The following PTPRG variants were observed in gnomAD, a reference collection of about 807,000 sequenced individuals.
PTPRG encodes the protein receptor-type tyrosine-protein phosphatase gamma.
In PTPRG, 102 loss-of-function variants were observed where a neutral mutation model predicts 165.3. The ratio of observed to expected loss-of-function variants is 0.62; its 90% CI spans 0.53 to 0.73. The LOEUF (loss-of-function observed/expected upper bound fraction) is 0.73. Ranked by LOEUF, PTPRG falls within the 30% of genes least tolerant of loss-of-function variation. The pLI, the probability that PTPRG is intolerant of heterozygous loss-of-function variation, is 0.00. For missense variants in PTPRG, 1,866 were observed against 1,861.4 expected, an observed-to-expected ratio of 1.00 and a Z score of -0.05; for synonymous variants, 675 against 669.5, an observed-to-expected ratio of 1.01 and a Z score of -0.13.
At chr3:61,889,712 G>A (rs913938555) in intron 2 of PTPRG, among the ~76,000 whole-genome samples, 4 of 152,122 alleles carry the variant, frequency 2.6e-5, no homozygotes, top group Non-Finnish European at 5.9e-5. Flanking sequence ...TTTTTAAGGA[G>A]GGATGGCATC....
intron 4 of PTPRG, among the ~76,000 whole-genome samples, chr3:62,027,512 C>A (rs567172623): frequency 6.6e-6 from 1 of 152,270 alleles, no homozygotes; most frequent in African/African-American, 2.4e-5. Flanking sequence ...TGTTTGAGAT[C>A]CTGGCTGAAA....
intron 1 of PTPRG, among the ~76,000 whole-genome samples, chr3:61,714,430 C>T (rs963446220): frequency 3.3e-5 from 5 of 152,144 alleles, no homozygotes; most frequent in Admixed American, 6.6e-5. Context: ...AATGTGAATA[C>T]AATGGCTGGA....
chr3:61,608,231 AAAGCTGAGCAGCTAGGGAG>A (rs371602192), intron 1 of PTPRG, among the ~76,000 whole-genome samples: 95 of 152,242 alleles, frequency 6.2e-4, no homozygotes, highest in African/African-American at 2.0e-3. Flanking sequence ...CCTCCTCCAT[AAAGCTGAGCAGCTAGGGAG>A]AAGCTGAGCA....
At chr3:61,676,439 A>C (rs1413980197) in intron 1 of PTPRG, among the ~76,000 whole-genome samples, 2 of 133,054 alleles carry the variant, frequency 1.5e-5, no homozygotes, top group African/African-American at 5.8e-5. Flanking sequence ...CCTGGGCGAC[A>C]GAGCCAGACT....
At chr3:62,028,583 G>C (rs1699652051) in intron 4 of PTPRG, among the ~76,000 whole-genome samples, 2 of 152,284 alleles carry the variant, frequency 1.3e-5, no homozygotes, top group Non-Finnish European at 1.5e-5. Context: ...TTGCATGTTG[G>C]CCATCAAGGA....
At chr3:61,685,417 G>A (rs529199849) in intron 1 of PTPRG, among the ~76,000 whole-genome samples, 1 of 152,342 alleles carries the variant, frequency 6.6e-6, no homozygotes, top group African/African-American at 2.4e-5. Context: ...CAGATACTGA[G>A]TTAGCAGTGC....
At chr3:62,070,664 A>C (rs1701179351) in intron 4 of PTPRG, among the ~76,000 whole-genome samples, 2 of 152,214 alleles carry the variant, frequency 1.3e-5, no homozygotes, top group African/African-American at 4.8e-5. Flanking sequence ...ATAATTTAAA[A>C]ATCATGTTAG....
chr3:62,117,641 C>T (rs983322182), intron 5 of PTPRG, among the ~76,000 whole-genome samples: 6 of 152,186 alleles, frequency 3.9e-5, no homozygotes, highest in Non-Finnish European at 8.8e-5. Flanking sequence ...GGAAGAGGCA[C>T]TGGGTTTCCT....
At chr3:62,055,066 T>TC (rs957271929) in intron 4 of PTPRG, among the ~76,000 whole-genome samples, 2 of 152,220 alleles carry the variant, frequency 1.3e-5, no homozygotes, top group African/African-American at 4.8e-5. Flanking sequence ...TCTCAAGTTT[T>TC]CCTGCTTCTG....
chr3:62,009,814 G>C (rs954627140), intron 4 of PTPRG, among the ~76,000 whole-genome samples: 2 of 152,174 alleles, frequency 1.3e-5, no homozygotes, highest in African/African-American at 4.8e-5. Context: ...CATGGATCCT[G>C]AGCTTCAGCA....
rs1290426060 is a variant in PTPRG, at chr3:62,190,888, A to G, written c.1034-581A>G. On this transcript the variant is annotated intron_variant, in intron 8 of 29. Coordinates refer to ENST00000474889, the MANE Select transcript of PTPRG (RefSeq NM_002841.4). This position sits in a 1 kb window ranked among gnomAD's most constrained non-coding sequence, Gnocchi z 5.2. ...AGCGGGGAAAATTTGAATATGGACT[A>G]TATATGAGATAATAGTATTGAATTC... Among the ~76,000 whole-genome samples the G allele has an allele frequency of 6.6e-6, 1 of 152,210 alleles. No individual in the cohort carries two copies. Among genetic ancestry groups the G allele is most frequent in the East Asian group, 1.9e-4 (1 of 5,184 alleles).
At chr3:61,944,212 C>T (rs76782199) in intron 2 of PTPRG, among the ~76,000 whole-genome samples, 2,398 of 152,292 alleles carry the variant, frequency 0.016, 43 homozygotes, top group South Asian at 0.075. Flanking sequence ...TTTGTGACAA[C>T]GAAGCCTCCC....
At chr3:61,648,883 G>A (rs570366504) in intron 1 of PTPRG, among the ~76,000 whole-genome samples, 2 of 152,304 alleles carry the variant, frequency 1.3e-5, no homozygotes, top group Admixed American at 1.3e-4. Context: ...TCTGATCTTT[G>A]TTGAAGCAAT....
In PTPRG at chr3:62,273,057, G is replaced by A. The variant is rs371762103; in HGVS notation, c.3294G>A (p.Gln1098=). 1.2e-6 allele frequency: 2 copies of A among 1,613,374 alleles called. No homozygotes were observed. Among genetic ancestry groups the A allele is most frequent in the East Asian group, 2.2e-5 (1 of 44,836 alleles). Residue 1098 remains glutamine (Q), a synonymous_variant, in exon 22 of 30, where the codon CAG becomes CAA. Transcript: ENST00000474889. The surrounding 1 kb of genome is among the most constrained non-coding windows in gnomAD (Gnocchi z 4.1). ...VLGFLKHIRT[Q]RNYLVQTEEQ... ...GATTCCTGAAGCATATCAGGACACA[G>A]CGTAACTACCTCGTCCAGACTGAGG...
At chr3:61,966,565 A>C (rs2040276312) in intron 2 of PTPRG, among the ~76,000 whole-genome samples, 1 of 152,156 alleles carries the variant, frequency 6.6e-6, no homozygotes, top group Non-Finnish European at 1.5e-5. Context: ...ATTCCTCTTC[A>C]ATAACATGCA....
chr3:61,978,825 T>C (rs989099969), intron 2 of PTPRG, among the ~76,000 whole-genome samples: 5 of 152,198 alleles, frequency 3.3e-5, no homozygotes, highest in African/African-American at 1.2e-4. Context: ...TAAAACTGTT[T>C]ATAAAAACAG....
At chr3:61,755,525 TCTTTA>T (rs2033606852) in intron 2 of PTPRG, among the ~76,000 whole-genome samples, 2 of 152,250 alleles carry the variant, frequency 1.3e-5, no homozygotes, top group African/African-American at 2.4e-5. Context: ...AAGTAGAATT[TCTTTA>T]CTTATTTGTT....
intron 1 of PTPRG, among the ~76,000 whole-genome samples, chr3:61,620,303 C>T (rs573447937): frequency 3.9e-5 from 6 of 152,166 alleles, no homozygotes; most frequent in African/African-American, 1.2e-4. Context: ...TACGTGTTGG[C>T]AGTAATCTTT....
rs937867091 is a variant in PTPRG at position 61,915,541 on chromosome 3, G to A, written c.191-74084G>A. Among the ~76,000 whole-genome samples, 4 of 152,272 alleles carry A rather than the reference G, an allele frequency of 2.6e-5. No homozygotes were observed. The East Asian group carries it at 7.7e-4, about 29-fold the overall frequency. On this transcript the variant is annotated intron_variant, in intron 2 of 29. Transcript: ENST00000474889. ...TAGAGCCGTGAAATATATCTTATTT[G>A]TCATCATCTTATTATTCTTTGGCCT...
Sources: gnomAD v4.1 joint callset for allele counts (sites outside exome capture counted in the v4.1 genomes callset) on GRCh38, gnomAD v4.1.1 for gene constraint, Gnocchi (gnomAD v3.1) non-coding constraint, MANE v1.5 for transcripts, NCBI Gene and HGNC (gene_info 2026-07-23, HGNC 2026-07-21) for gene names.